CFHR5: variants seen among roughly 807,000 people sequenced by gnomAD.
CFHR5 encodes the protein complement factor H-related protein 5.
In CFHR5, 73 loss-of-function variants were observed where a neutral mutation model predicts 62.9. That is an observed-to-expected ratio of 1.16 (90% CI 0.96 to 1.41). The LOEUF (loss-of-function observed/expected upper bound fraction) is 1.41, where lower values mean the gene tolerates loss of function less well. Among genes scored for constraint, CFHR5 ranks in the 40% most tolerant of loss-of-function variants. The probability of loss-of-function intolerance (pLI) is 0.00; values close to 1 mark genes in which losing one functional copy is unlikely to be tolerated. For missense variants in CFHR5, 779 were observed against 679.9 expected, an observed-to-expected ratio of 1.15 and a Z score of -1.62; for synonymous variants, 249 against 227.2, an observed-to-expected ratio of 1.10 and a Z score of -0.86.
rs537778200 is a variant in CFHR5 at position 197,006,971 on chromosome 1, G to C, written c.1514-1516G>C. ...CCTGCCTCAGCCTCCCGAGTAGTTGGGATTACAGGCACATGCCACCATGCC... is the reference window on the plus strand; with the variant it reads ...CCTGCCTCAGCCTCCCGAGTAGTTGCGATTACAGGCACATGCCACCATGCC... On this transcript the variant is annotated intron_variant, in intron 9 of 9. Transcript: ENST00000256785. 4.6e-5 allele frequency among the ~76,000 whole-genome samples: 7 copies of C among 151,696 alleles called. No homozygotes were observed. The South Asian group carries it at 1.5e-3, about 32-fold the overall frequency.
At chr1:196,991,665 A>T (rs573075567) in intron 3 of CFHR5, among the ~76,000 whole-genome samples, 3 of 152,300 alleles carry the variant, frequency 2.0e-5, no homozygotes, top group Admixed American at 6.5e-5. Context: ...GGTCCAGTCC[A>T]GACCCTGTTT....
At chr1:196,989,752 T>C (rs779423499) in intron 3 of CFHR5, among the ~76,000 whole-genome samples, 4 of 152,174 alleles carry the variant, frequency 2.6e-5, no homozygotes, top group Non-Finnish European at 4.4e-5. Flanking sequence ...TTGTGATTTC[T>C]GTTCTTTTAC....
chr1:196,995,382 G>T (rs1455278141), intron 4 of CFHR5, among the ~76,000 whole-genome samples: 1 of 152,044 alleles, frequency 6.6e-6, no homozygotes, highest in African/African-American at 2.4e-5. Context: ...AAGAATTTAG[G>T]ACTAAAATTT....
intron 1 of CFHR5, 111 bp from the exon 2 acceptor site, chr1:196,982,773 CA>C: frequency 1.1e-6 from 1 of 913,012 alleles, no homozygotes; most frequent in East Asian, 2.5e-5. Flanking sequence ...AAGCTAAAGG[CA>C]TTTAAGCTGA....
chr1:196,995,706 C>G lies in CFHR5; in HGVS notation c.608-11C>G. The G allele has an allele frequency of 6.2e-7, 1 of 1,609,008 alleles. No homozygotes were observed. Among genetic ancestry groups the G allele is most frequent in the Non-Finnish European group, 8.5e-7 (1 of 1,175,630 alleles). ...ACCATTTAAGCATTATTTATGGTTTCTTTATAATAGGACAAGTACGATCAT... is the reference window on the plus strand; with the variant it reads ...ACCATTTAAGCATTATTTATGGTTTGTTTATAATAGGACAAGTACGATCAT... On this transcript the variant is annotated splice_polypyrimidine_tract_variant and intron_variant, in intron 4 of 9. Coordinates refer to ENST00000256785, the MANE Select transcript of CFHR5 (RefSeq NM_030787.4).
In CFHR5 at chr1:196,984,025, A is replaced by T; in HGVS notation, c.318A>T (p.Glu106Asp). The change falls in exon 3 of 10, where the codon GAA becomes GAT. Residue 106 changes from glutamate to aspartate, a missense_variant. Coordinates refer to ENST00000256785, the MANE Select transcript of CFHR5 (RefSeq NM_030787.4). ...HSESSGLIHLEGDTVQIICNT... is the reference protein window; with the variant it reads ...HSESSGLIHLDGDTVQIICNT... ...AATCTTCAGGACTAATACATCTGGA[A>T]GGTGATACTGTACAAATTATTTGCA... The T allele has an allele frequency of 1.2e-6, 2 of 1,612,698 alleles. No individual in the cohort carries two copies. Among genetic ancestry groups the T allele is most frequent in the Non-Finnish European group, 1.7e-6 (2 of 1,178,866 alleles).
At chr1:196,998,400 G>C in intron 7 of CFHR5, 96 bp downstream of exon 7, 1 of 1,023,762 alleles carries the variant, frequency 9.8e-7, no homozygotes, top group Non-Finnish European at 1.5e-6. Context: ...TATTTATTGT[G>C]GCATATAATT....
chr1:196,990,648 A>G (rs991928309), intron 3 of CFHR5, among the ~76,000 whole-genome samples: 3 of 152,168 alleles, frequency 2.0e-5, no homozygotes, highest in Non-Finnish European at 4.4e-5. Context: ...TTGGCTGGAT[A>G]TGAGATTCTG....
In CFHR5 at chr1:197,004,858, T is replaced by C. The variant is rs566384416; in HGVS notation, c.1513+15T>C. 2 of 1,580,812 alleles carry C rather than the reference T, an allele frequency of 1.3e-6. No homozygotes were observed. Among genetic ancestry groups the C allele is most frequent in the Non-Finnish European group, 1.7e-6 (2 of 1,149,996 alleles). On this transcript the variant is annotated intron_variant, in intron 9 of 9. Transcript: ENST00000256785. The stretch of plus-strand genomic sequence containing the variant: ...AAGATGCCTAGGTGAGTTCTTAATA[T>C]TCTCTTGGAATCTGAGATTTAATAT...
chr1:196,989,393 A>G (rs1027131909), intron 3 of CFHR5, among the ~76,000 whole-genome samples: 1 of 151,808 alleles, frequency 6.6e-6, no homozygotes, highest in African/African-American at 2.4e-5. Context: ...GATCTTAGTT[A>G]TTTCTTGCCT....
At chr1:196,978,824 G>C (rs911567020) in intron 1 of CFHR5, among the ~76,000 whole-genome samples, 2 of 152,126 alleles carry the variant, frequency 1.3e-5, no homozygotes, top group African/African-American at 4.8e-5. Flanking sequence ...GATTTCTAAA[G>C]GGGGGTGGAA....
intron 3 of CFHR5, among the ~76,000 whole-genome samples, chr1:196,990,014 C>T (rs1420950242): frequency 3.3e-5 from 5 of 151,984 alleles, no homozygotes; most frequent in African/African-American, 4.8e-5. Context: ...TAAGTCTCTT[C>T]GTAGGTCTCT....
At chr1:196,998,571 T>C (rs1325017793) in intron 7 of CFHR5, among the ~76,000 whole-genome samples, 1 of 151,670 alleles carries the variant, frequency 6.6e-6, no homozygotes, top group Non-Finnish European at 1.5e-5. Flanking sequence ...TAAAGAACTG[T>C]AAAAAAAGAA....
chr1:197,008,384 A>T (rs1050739298), intron 9 of CFHR5, 103 bp from the exon 10 acceptor site: 1 of 581,164 alleles, frequency 1.7e-6, no homozygotes. Flanking sequence ...AATATTTTTC[A>T]TCATTTTAAT....
chr1:196,982,994 A>G lies in CFHR5; in HGVS notation c.168A>G (p.Glu56=), dbSNP rs1182606954. ...GGGAAGTTTTCTATTACTCCTGTGA[A>G]TATAATTTTGTGTCTCCTTCAAAAT... The part of the protein sequence containing the change: ...PTGEVFYYSC[E]YNFVSPSKSF... The change falls in exon 2 of 10, where the codon GAA becomes GAG. Residue 56 remains glutamate, a synonymous_variant. Coordinates refer to ENST00000256785, the MANE Select transcript of CFHR5 (RefSeq NM_030787.4). 14 of 1,614,110 alleles carry G rather than the reference A, an allele frequency of 8.7e-6. No individual in the cohort carries two copies. In the Admixed American group the frequency reaches 1.2e-4, roughly 13 times the overall value.
At chr1:196,999,478 T>C (rs1654075055) in intron 7 of CFHR5, among the ~76,000 whole-genome samples, 2 of 151,376 alleles carry the variant, frequency 1.3e-5, no homozygotes. Context: ...ACATTAAAAG[T>C]GTATAAAAAG....
intron 7 of CFHR5, among the ~76,000 whole-genome samples, chr1:197,001,309 A>C (rs1235781792): frequency 6.6e-6 from 1 of 152,046 alleles, no homozygotes; most frequent in East Asian, 1.9e-4. Context: ...ATAAGGAAAA[A>C]TCCAGTATAA....
rs1284570860 is a variant in CFHR5 at position 197,008,513 on chromosome 1, A to G, written c.1540A>G (p.Met514Val). Residue 514 changes from methionine to valine, a missense_variant, in exon 10 of 10, where the codon ATG (methionine) becomes GTG (valine). Met to Val is a conservative substitution (Grantham distance 21). Coordinates refer to ENST00000256785, the MANE Select transcript of CFHR5 (RefSeq NM_030787.4). ...TCCATGTGTGGTATCTGAAGAAAAC[A>G]TGAACAAAAATAACATACAGTTAAA... ...LDPCVVSEENMNKNNIQLKWR... is the reference protein window; with the variant it reads ...LDPCVVSEENVNKNNIQLKWR... The G allele has an allele frequency of 6.2e-7, 1 of 1,609,788 alleles. No homozygotes were observed. Among genetic ancestry groups the G allele is most frequent in the Non-Finnish European group, 8.5e-7 (1 of 1,177,390 alleles).
Position 197,008,620 on chromosome 1 carries a change from A to G in CFHR5, c.1647A>G (p.Ile549Met), listed in dbSNP as rs142546471. The change falls in exon 10 of 10, where the codon ATA becomes ATG. Residue 549 changes from isoleucine to methionine, a missense_variant. Transcript: ENST00000256785. ...FQCKFPHKAM[I>M]SSPPFRAICQ... ...GTAAATTCCCACATAAAGCGATGATATCATCACCACCATTTCGAGCAATCT... is the reference window on the plus strand; with the variant it reads ...GTAAATTCCCACATAAAGCGATGATGTCATCACCACCATTTCGAGCAATCT... 2.5e-6 allele frequency: 4 copies of G among 1,613,796 alleles called. No homozygotes were observed. In the African/African-American group the frequency reaches 4.0e-5, roughly 16 times the overall value.
Sources: allele counts gnomAD v4.1 joint callset (sites outside exome capture counted in the v4.1 genomes callset), GRCh38; gene constraint gnomAD v4.1.1; transcripts MANE v1.5; gene names NCBI Gene and HGNC (gene_info 2026-07-23, HGNC 2026-07-21).